Variants in RBM47 observed in about 807,000 individuals in gnomAD.
RBM47 encodes RNA binding motif protein 47.
In RBM47, 21 loss-of-function variants were observed where a neutral mutation model predicts 47.1. The observed-to-expected ratio is 0.45, with a 90% CI of 0.32 to 0.64. The LOEUF (loss-of-function observed/expected upper bound fraction) is 0.64, where lower values mean the gene tolerates loss of function less well. RBM47 is among the 30% of genes least tolerant of loss of function. The probability of loss-of-function intolerance (pLI) is 0.05; values close to 1 mark genes in which losing one functional copy is unlikely to be tolerated. For synonymous variants in RBM47, 375 were observed against 361.7 expected, an observed-to-expected ratio of 1.04 and a Z score of -0.42; for missense variants, 708 against 870.9, an observed-to-expected ratio of 0.81 and a Z score of 2.35.
intron 3 of RBM47, among the ~76,000 whole-genome samples, chr4:40,463,358 A>C (rs539860410): frequency 6.6e-6 from 1 of 152,318 alleles, no homozygotes; most frequent in South Asian, 2.1e-4. Context: ...GCAATTATCA[A>C]AAAAACAAAA....
At chr4:40,625,670 G>A (rs1236817300) in intron 1 of RBM47, among the ~76,000 whole-genome samples, 2 of 152,096 alleles carry the variant, frequency 1.3e-5, no homozygotes, top group African/African-American at 2.4e-5. Context: ...CTCATTCAGC[G>A]TACACCCACC....
In RBM47 at chr4:40,500,310, T is replaced by TC. The variant is rs201830355; in HGVS notation, c.-154-33612dup. 7.9e-4 allele frequency among the ~76,000 whole-genome samples: 101 copies of TC among 127,508 alleles called. No individual in the cohort carries two copies. In the East Asian group the frequency reaches 9.0e-3, roughly 11 times the overall value. The allele number at this position is 127,508 out of a possible 152,430, so 83.7% of individuals were successfully genotyped here. A position where few individuals can be genotyped will look rare whatever the true frequency, so the allele number is the denominator to read the frequency against. ...CCTGGGCGACAAGGGCCAGACTTCGTCCCCCCCCAAAAAAAAAAGGGCTGG... is the reference window on the plus strand; with the variant it reads ...CCTGGGCGACAAGGGCCAGACTTCGTCCCCCCCCCAAAAAAAAAAGGGCTGG... On this transcript the variant is annotated intron_variant, in intron 2 of 6. Transcript: ENST00000295971.
intron 2 of RBM47, among the ~76,000 whole-genome samples, chr4:40,469,110 A>C (rs1473188929): frequency 6.6e-6 from 1 of 152,342 alleles, no homozygotes; most frequent in Non-Finnish European, 1.5e-5. Flanking sequence ...ATAAAGCACC[A>C]TTCTCGACAT....
chr4:40,470,089 T>C (rs1242915224), intron 2 of RBM47, among the ~76,000 whole-genome samples: 1 of 152,212 alleles, frequency 6.6e-6, no homozygotes, highest in Non-Finnish European at 1.5e-5. Context: ...CCTTTGATTT[T>C]ACTATGGAGG....
intron 1 of RBM47, among the ~76,000 whole-genome samples, chr4:40,622,007 T>C (rs990266285): frequency 2.0e-5 from 3 of 152,204 alleles, no homozygotes; most frequent in African/African-American, 7.2e-5. Context: ...TGTTCGTGGT[T>C]GTATTTCGAG....
chr4:40,474,029 A>G lies in RBM47; in HGVS notation c.-154-7330T>C, dbSNP rs530483872. 6.6e-5 allele frequency among the ~76,000 whole-genome samples: 10 copies of G among 152,306 alleles called. No individual in the cohort carries two copies. The East Asian group carries it at 1.9e-3, about 29-fold the overall frequency. On this transcript the variant is annotated intron_variant, in intron 2 of 6. Transcript: ENST00000295971. ...ACCCTTTTTATAATATGCACCTTGT[A>G]CCAGTGAAACCTAAGGCACCAGTTA...
intron 1 of RBM47, among the ~76,000 whole-genome samples, chr4:40,607,255 TGA>T (rs1735846835): frequency 6.6e-6 from 1 of 152,138 alleles, no homozygotes. Context: ...AAGCCAGACA[TGA>T]GAGGCCACAT....
chr4:40,470,510 C>T (rs977380283), intron 2 of RBM47, among the ~76,000 whole-genome samples: 8 of 152,094 alleles, frequency 5.3e-5, no homozygotes, highest in Non-Finnish European at 7.4e-5. Flanking sequence ...TGTGTCTTGA[C>T]GTGTCGTATG....
At chr4:40,495,791 G>A (rs542085829) in intron 2 of RBM47, among the ~76,000 whole-genome samples, 2 of 151,668 alleles carry the variant, frequency 1.3e-5, no homozygotes, top group Admixed American at 6.6e-5. Flanking sequence ...TCCTCCTGGA[G>A]GTTCCTTATT....
At chr4:40,605,016 TTTG>T (rs746777655) in intron 1 of RBM47, among the ~76,000 whole-genome samples, 3 of 149,976 alleles carry the variant, frequency 2.0e-5, no homozygotes, top group African/African-American at 7.4e-5. Context: ...CACCTGGTCT[TTTG>T]TTGTTGTTGT....
chr4:40,627,623 C>T (rs2154282701), intron 1 of RBM47, among the ~76,000 whole-genome samples: 1 of 152,234 alleles, frequency 6.6e-6, no homozygotes, highest in South Asian at 2.1e-4. Flanking sequence ...CATCTTAACC[C>T]AATCTTTTAA....
rs375352610 is a variant in RBM47 at position 40,423,863 on chromosome 4, G to C, written c.*2041C>G. 29 of 152,510 alleles carry C rather than the reference G, an allele frequency of 1.9e-4. No individual in the cohort carries two copies. In the East Asian group the frequency reaches 2.1e-3, roughly 11 times the overall value. The allele number at this position is 152,510 out of a possible 1,614,324, so 9.4% of individuals were successfully genotyped here. Reference sequence around the variant, plus strand: ...AGAAGGAGAGTACTTTTTTCACACAGTCAGGGGATGAGGATCTGATCCGAA... The same window carrying C: ...AGAAGGAGAGTACTTTTTTCACACACTCAGGGGATGAGGATCTGATCCGAA... On this transcript the variant is annotated 3_prime_UTR_variant, in exon 7 of 7. Coordinates refer to ENST00000295971, the MANE Select transcript of RBM47 (RefSeq NM_001098634.2).
At chr4:40,601,015 T>C (rs116866351) in intron 1 of RBM47, among the ~76,000 whole-genome samples, 1,562 of 78,302 alleles carry the variant, frequency 0.02, 68 homozygotes, top group East Asian at 0.18. Flanking sequence ...AAGAAGAACA[T>C]AAAAAAGATC....
rs545872705 is a variant in RBM47, at chr4:40,444,966, C to T, written c.-31-6042G>A. On this transcript the variant is annotated intron_variant, in intron 3 of 6. Transcript: ENST00000295971. ...GAGCCACTGTGCCCGGCCTTAAATT[C>T]TAACATATTTTAAAACAGTGTTGTT... 3.3e-5 allele frequency among the ~76,000 whole-genome samples: 5 copies of T among 150,818 alleles called. No homozygotes were observed. The South Asian group carries it at 1.1e-3, about 33-fold the overall frequency.
chr4:40,621,978 A>G (rs907462089), intron 1 of RBM47, among the ~76,000 whole-genome samples: 1 of 152,252 alleles, frequency 6.6e-6, no homozygotes, highest in Admixed American at 6.5e-5. Context: ...GAGAAAACCC[A>G]TGCTCATTCA....
chr4:40,614,566 G>A (rs1736546312), intron 1 of RBM47, among the ~76,000 whole-genome samples: 1 of 151,764 alleles, frequency 6.6e-6, no homozygotes, highest in Admixed American at 6.6e-5. Flanking sequence ...AGGGGCAGTG[G>A]CTCACACCTG....
At chr4:40,624,077 C>T (rs1436705099) in intron 1 of RBM47, among the ~76,000 whole-genome samples, 2 of 152,132 alleles carry the variant, frequency 1.3e-5, no homozygotes, top group African/African-American at 2.4e-5. Flanking sequence ...TTCTCAAACT[C>T]CTGGGCTCAA....
Position 40,493,185 on chromosome 4 carries a change from G to A in RBM47, c.-154-26486C>T, listed in dbSNP as rs116740121. On this transcript the variant is annotated intron_variant, in intron 2 of 6. Transcript: ENST00000295971. ...TATATTTATAGGATTCCCCCTATGA[G>A]CTGGGTGCCGAGGTTACAACCTGAA... 4.1e-3 allele frequency among the ~76,000 whole-genome samples: 619 copies of A among 152,290 alleles called. 1 individual carries two copies. Among genetic ancestry groups the A allele is most frequent in the Non-Finnish European group, 7.2e-3 (493 of 68,036 alleles).
chr4:40,494,508 A>G (rs1291997185), intron 2 of RBM47, among the ~76,000 whole-genome samples: 1 of 152,192 alleles, frequency 6.6e-6, no homozygotes, highest in Non-Finnish European at 1.5e-5. Flanking sequence ...AGAGTCAGTA[A>G]TCTGTGGGAG....
Sources: gnomAD v4.1 joint callset for allele counts (sites outside exome capture counted in the v4.1 genomes callset) on GRCh38, gnomAD v4.1.1 for gene constraint, MANE v1.5 for transcripts, NCBI Gene and HGNC (gene_info 2026-07-23, HGNC 2026-07-21) for gene names.